The following LRRIQ1 variants were observed in gnomAD, a reference collection of about 807,000 sequenced individuals.
LRRIQ1 encodes leucine-rich repeat- and IQ domain-containing protein 1.
A neutral mutation model predicts 211.9 loss-of-function variants in LRRIQ1; 210 were observed. The ratio of observed to expected loss-of-function variants is 0.99; its 90% CI spans 0.89 to 1.11. The LOEUF (loss-of-function observed/expected upper bound fraction) is 1.11, where lower values mean the gene tolerates loss of function less well. LRRIQ1 is among the 50% of genes most tolerant of loss of function. LRRIQ1 has a pLI of 0.00. For synonymous variants in LRRIQ1, 699 were observed against 650.1 expected (o/e 1.08, Z -1.14); for missense variants, 2,136 against 1,939.5 (o/e 1.10, Z -1.90).
chr12:85,111,628 A>C (rs993360323), intron 15 of LRRIQ1, among the ~76,000 whole-genome samples: 6 of 152,162 alleles, frequency 3.9e-5, no homozygotes, highest in Admixed American at 2.0e-4. Context: ...TTAGTGAGCA[A>C]TAGAGAACAT....
intron 18 of LRRIQ1, among the ~76,000 whole-genome samples, chr12:85,135,961 C>T (rs760946070): frequency 2.0e-5 from 3 of 151,810 alleles, no homozygotes; most frequent in Middle Eastern, 3.4e-3. Flanking sequence ...ATTCAATGTA[C>T]TTAGTTTGCA....
chr12:85,222,258 A>G (rs900548359), intron 24 of LRRIQ1, among the ~76,000 whole-genome samples: 1 of 152,192 alleles, frequency 6.6e-6, no homozygotes, highest in African/African-American at 2.4e-5. Flanking sequence ...AAGCATTTGA[A>G]TGGATATCAT....
At chr12:85,271,663 G>T in the LRRIQ1 span, among the ~76,000 whole-genome samples, 1 of 152,040 alleles carries the variant, frequency 6.6e-6, no homozygotes, top group Non-Finnish European at 1.5e-5. Flanking sequence ...TGTAATATAA[G>T]CTAATTTTTT....
At chr12:85,040,076 TAATA>T (rs1878688438) in intron 2 of LRRIQ1, among the ~76,000 whole-genome samples, 1 of 151,608 alleles carries the variant, frequency 6.6e-6, no homozygotes, top group South Asian at 2.1e-4. Flanking sequence ...GTTTTGAATG[TAATA>T]AATAATTATA....
chr12:85,059,619 C>T (rs1163005303), intron 8 of LRRIQ1, among the ~76,000 whole-genome samples: 1 of 151,960 alleles, frequency 6.6e-6, no homozygotes, highest in Non-Finnish European at 1.5e-5. Context: ...AAAAATTCTA[C>T]GCTAAACTAT....
intron 25 of LRRIQ1, 152 bp downstream of exon 25, chr12:85,229,801 A>G (rs1894847898): frequency 1.5e-6 from 1 of 653,626 alleles, no homozygotes; most frequent in Non-Finnish European, 2.5e-6. Flanking sequence ...CATATAGAAT[A>G]GATTTAATTA....
At chr12:85,145,865 T>A (rs2136621218) in intron 19 of LRRIQ1, among the ~76,000 whole-genome samples, 1 of 151,898 alleles carries the variant, frequency 6.6e-6, no homozygotes, top group Non-Finnish European at 1.5e-5. Flanking sequence ...TAACAAAATC[T>A]GTCGTAAGTC....
At chr12:85,049,557 T>C (rs562891755) in intron 6 of LRRIQ1, among the ~76,000 whole-genome samples, 1 of 152,178 alleles carries the variant, frequency 6.6e-6, no homozygotes, top group Non-Finnish European at 1.5e-5. Context: ...TTTATAAGCA[T>C]GTTCAATTTC....
At chr12:85,228,246 T>A (rs905225911) in intron 24 of LRRIQ1, among the ~76,000 whole-genome samples, 4 of 152,062 alleles carry the variant, frequency 2.6e-5, no homozygotes, top group African/African-American at 9.7e-5. Context: ...ACCTACAGAA[T>A]GGGAGAAAAT....
chr12:85,125,330 A>G (rs1888302261), intron 17 of LRRIQ1, among the ~76,000 whole-genome samples: 1 of 152,208 alleles, frequency 6.6e-6, no homozygotes, highest in Non-Finnish European at 1.5e-5. Flanking sequence ...TCTATAAGGT[A>G]GGGCAATATT....
intron 8 of LRRIQ1, among the ~76,000 whole-genome samples, chr12:85,059,588 C>T (rs1430986212): frequency 6.6e-6 from 1 of 151,978 alleles, no homozygotes; most frequent in African/African-American, 2.4e-5. Flanking sequence ...CTATTGATCT[C>T]ACACCATCAT....
intron 25 of LRRIQ1, among the ~76,000 whole-genome samples, chr12:85,231,443 G>C (rs1593003149): frequency 6.6e-6 from 1 of 152,094 alleles, no homozygotes; most frequent in Admixed American, 6.5e-5. Context: ...ATTTTATGTT[G>C]TTATTAAGCG....
intron 24 of LRRIQ1, among the ~76,000 whole-genome samples, chr12:85,165,066 T>C (rs539703380): frequency 1.3e-5 from 2 of 152,284 alleles, no homozygotes; most frequent in South Asian, 2.1e-4. Flanking sequence ...AATGTTATTA[T>C]TGATATTATT....
chr12:85,217,602 G>A (rs1203734650), intron 24 of LRRIQ1, among the ~76,000 whole-genome samples: 2 of 129,282 alleles, frequency 1.5e-5, no homozygotes, highest in African/African-American at 6.3e-5. Flanking sequence ...ATGTATATAT[G>A]TATATGTGTA....
rs1889257669 is a variant in LRRIQ1, at chr12:85,137,982, T to A, written c.4329+13T>A. 1.5e-6 allele frequency: 2 copies of A among 1,296,364 alleles called. No homozygotes were observed. Among genetic ancestry groups the A allele is most frequent in the Non-Finnish European group, 2.2e-6 (2 of 923,762 alleles). The allele number at this position is 1,296,364 out of a possible 1,614,324, so 80.3% of individuals were successfully genotyped here. A position where few individuals can be genotyped will look rare whatever the true frequency, so the allele number is the denominator to read the frequency against. ...TATATTTGATGAAGTAAGTACGAAC[T>A]ATAGTATATAAATATTGGTCTTAAA... On this transcript the variant is annotated intron_variant, in intron 19 of 26. Transcript: ENST00000393217.
At position 85,154,595 on chromosome 12, in the gene LRRIQ1, A is replaced by G. The variant is rs74114211; in HGVS notation, c.4720+501A>G. Among the ~76,000 whole-genome samples, 1,088 of 151,432 alleles carry G rather than the reference A, an allele frequency of 7.2e-3. 11 individuals carry two copies. Among genetic ancestry groups the G allele is most frequent in the African/African-American group, 0.026 (1,059 of 41,462 alleles). ...TGCGAAATGTTCTAAAGCATCTTTT[A>G]TTCTATCCCACTTACAAGGCTACTC... On this transcript the variant is annotated intron_variant, in intron 23 of 26. Coordinates refer to ENST00000393217, the MANE Select transcript of LRRIQ1 (RefSeq NM_001079910.2).
chr12:85,252,374 G>A (rs1895971026), intron 1 of LRRIQ1, among the ~76,000 whole-genome samples: 1 of 151,876 alleles, frequency 6.6e-6, no homozygotes, highest in Non-Finnish European at 1.5e-5. Context: ...TTAGGAAAAT[G>A]TTGTTTGTAA....
At chr12:85,205,399 C>A (rs1893492292) in intron 24 of LRRIQ1, among the ~76,000 whole-genome samples, 1 of 152,248 alleles carries the variant, frequency 6.6e-6, no homozygotes, top group South Asian at 2.1e-4. Flanking sequence ...GTTGGGAATT[C>A]TTTTCTTAAG....
chr12:85,136,392 A>G (rs1207648483), intron 18 of LRRIQ1, among the ~76,000 whole-genome samples: 3 of 151,970 alleles, frequency 2.0e-5, no homozygotes, highest in Non-Finnish European at 4.4e-5. Flanking sequence ...GGCATGGGGA[A>G]AGTGGGTAGG....
Sources: gnomAD v4.1 joint callset for allele counts (sites outside exome capture counted in the v4.1 genomes callset) on GRCh38, gnomAD v4.1.1 for gene constraint, MANE v1.5 for transcripts, NCBI Gene and HGNC (gene_info 2026-07-23, HGNC 2026-07-21) for gene names.